Variants in ASCC3 observed in about 807,000 individuals in gnomAD.
ASCC3 encodes ASC-1 complex subunit P200.
A neutral mutation model predicts 256.3 loss-of-function variants in ASCC3; 158 were observed. The ratio of observed to expected loss-of-function variants is 0.62; its 90% confidence interval spans 0.54 to 0.70. The LOEUF (loss-of-function observed/expected upper bound fraction) is 0.70. ASCC3 is among the 30% of genes least tolerant of loss of function. The pLI is 0.00. For missense variants in ASCC3, 2,259 were observed against 2,626.0 expected (o/e 0.86, Z 3.05); for synonymous variants, 948 against 883.4 (o/e 1.07, Z -1.30).
At chr6:100,732,563 T>C (rs1470245999) in intron 10 of ASCC3, among the ~76,000 whole-genome samples, 1 of 152,218 alleles carries the variant, frequency 6.6e-6, no homozygotes, top group East Asian at 1.9e-4. Context: ...AGAACATGGG[T>C]ACATCTATAA....
chr6:100,833,321 C>G (rs846782), intron 4 of ASCC3, among the ~76,000 whole-genome samples: 106,187 of 152,030 alleles, frequency 0.7, 37,343 homozygotes, highest in East Asian at 0.73. Flanking sequence ...TGAAATGGTA[C>G]AGCACAAAGG....
At chr6:100,820,162 T>C (rs867266983) in intron 4 of ASCC3, among the ~76,000 whole-genome samples, 110 of 152,262 alleles carry the variant, frequency 7.2e-4, no homozygotes, top group African/African-American at 2.5e-3. Context: ...AAAAATCAGA[T>C]GGAATAGCAG....
intron 5 of ASCC3, among the ~76,000 whole-genome samples, chr6:100,802,900 C>T (rs963075181): frequency 1.3e-5 from 2 of 151,702 alleles, no homozygotes; most frequent in East Asian, 1.9e-4. Flanking sequence ...CCCATCTACT[C>T]GGGAGGCTGA....
rs145032993 is a variant in ASCC3, at chr6:100,848,469, C to T, written c.480G>A (p.Arg160=). Residue 160 remains arginine (R), a synonymous_variant, in exon 4 of 42, where the codon AGG becomes AGA. Transcript: ENST00000369162. Reference sequence around the variant, plus strand: ...ATGCTAAATTTTTACCAAAAAAAACCCTATCGCCATGTTCTTTTTCTGTCA... The same window carrying T: ...ATGCTAAATTTTTACCAAAAAAAACTCTATCGCCATGTTCTTTTTCTGTCA... ...VQMTEKEHGD[R]VFFGKNLAFS... is the part of the protein sequence containing the mutation. 155 of 1,612,100 alleles carry T rather than the reference C, an allele frequency of 9.6e-5. No homozygotes were observed. Among genetic ancestry groups the T allele is most frequent in the Non-Finnish European group, 1.2e-4 (147 of 1,179,054 alleles).
chr6:100,614,419 AAC>A (rs920970091), intron 30 of ASCC3, among the ~76,000 whole-genome samples: 2 of 152,240 alleles, frequency 1.3e-5, no homozygotes, highest in Non-Finnish European at 2.9e-5. Context: ...TCACAGTAAT[AAC>A]AGTTAATATT....
At chr6:100,797,478 GA>G (rs754867943) in intron 8 of ASCC3, among the ~76,000 whole-genome samples, 55 of 113,430 alleles carry the variant, frequency 4.8e-4, no homozygotes, top group South Asian at 7.9e-4. Flanking sequence ...AAAAAAAAAT[GA>G]AAAAAAAAAA....
chr6:100,751,607 T>C (rs1177639298), intron 10 of ASCC3, among the ~76,000 whole-genome samples: 1 of 152,080 alleles, frequency 6.6e-6, no homozygotes, highest in Non-Finnish European at 1.5e-5. Flanking sequence ...ATGCTTGATA[T>C]AAACACCAAA....
chr6:100,618,884 TATA>T (rs746555195), intron 30 of ASCC3, among the ~76,000 whole-genome samples: 1 of 152,210 alleles, frequency 6.6e-6, no homozygotes, highest in African/African-American at 2.4e-5. Flanking sequence ...CGATACCCTG[TATA>T]ATAATGTTTC....
chr6:100,841,581 A>G (rs919629347), intron 4 of ASCC3, among the ~76,000 whole-genome samples: 2 of 152,280 alleles, frequency 1.3e-5, no homozygotes, highest in Non-Finnish European at 1.5e-5. Context: ...ATGATGGGGA[A>G]AAGCATTCTA....
At chr6:100,566,402 G>T (rs144608769) in intron 36 of ASCC3, among the ~76,000 whole-genome samples, 1 of 152,202 alleles carries the variant, frequency 6.6e-6, no homozygotes, top group African/African-American at 2.4e-5. Flanking sequence ...CCCTTAATAA[G>T]TCCACCATAC....
At chr6:100,576,520 C>T (rs551537421) in intron 36 of ASCC3, among the ~76,000 whole-genome samples, 2 of 151,902 alleles carry the variant, frequency 1.3e-5, no homozygotes, top group East Asian at 3.9e-4. Context: ...AAAAAAAGTT[C>T]TAAGGAGCTA....
At position 100,715,401 on chromosome 6, in the gene ASCC3, T is replaced by TA. The variant is rs1302504810; in HGVS notation, c.2151+60dup. The TA allele has an allele frequency of 1.9e-5, 27 of 1,416,712 alleles. 1 individual carries two copies. In the East Asian group the frequency reaches 6.3e-4, roughly 33 times the overall value. 87.8% of individuals were successfully genotyped at this position (1,416,712 alleles called of 1,614,324 possible). A position where few individuals can be genotyped will look rare whatever the true frequency, so the allele number is the denominator to read the frequency against. On this transcript the variant is annotated intron_variant, in intron 13 of 41. Transcript: ENST00000369162. ...GAAGAGCGTAAATATTAATAATTTT[T>TA]ATCATTAAGCACTCTCTAAAAGCAG...
At chr6:100,821,391 G>A (rs1050743102) in intron 4 of ASCC3, among the ~76,000 whole-genome samples, 3 of 131,946 alleles carry the variant, frequency 2.3e-5, no homozygotes, top group African/African-American at 5.0e-5. Context: ...ACTGAAATAC[G>A]TGTCCAATCA....
Position 100,602,860 on chromosome 6 carries a change from A to G in ASCC3, c.5178-925T>C, listed in dbSNP as rs1161286827. ...AGCTAAGTAAAACTATAATTCATGG[A>G]AAAATATGCAGGTATTAAAAATAGT... is the stretch of plus-strand genomic sequence containing the variant. On this transcript the variant is annotated intron_variant, in intron 33 of 41. Coordinates refer to ENST00000369162, the MANE Select transcript of ASCC3 (RefSeq NM_006828.4). 4.6e-5 allele frequency among the ~76,000 whole-genome samples: 7 copies of G among 152,190 alleles called. No homozygotes were observed. The East Asian group carries it at 1.3e-3, about 29-fold the overall frequency.
intron 8 of ASCC3, among the ~76,000 whole-genome samples, chr6:100,781,350 T>A (rs1030574961): frequency 6.6e-5 from 10 of 152,146 alleles, no homozygotes; most frequent in African/African-American, 2.2e-4. Context: ...TTAGCTTGGA[T>A]TGCAACTGCT....
At chr6:100,589,854 A>T (rs1316841400) in intron 35 of ASCC3, 86 bp from the exon 36 acceptor site, 1 of 1,595,794 alleles carries the variant, frequency 6.3e-7, no homozygotes, top group African/African-American at 1.4e-5. Context: ...CTTTTGAAAC[A>T]ATTTTTTAAA....
chr6:100,657,639 G>C (rs1192803169), intron 16 of ASCC3, among the ~76,000 whole-genome samples: 1 of 151,038 alleles, frequency 6.6e-6, no homozygotes, highest in African/African-American at 2.4e-5. Context: ...AAATTTATAA[G>C]GGATAAAATA....
intron 36 of ASCC3, among the ~76,000 whole-genome samples, chr6:100,574,337 A>T (rs1582474002): frequency 6.6e-6 from 1 of 152,100 alleles, no homozygotes; most frequent in African/African-American, 2.4e-5. Context: ...TGTAAAAAGG[A>T]AAAAAGAAAA....
At chr6:100,714,669 TA>T (rs35198523) in intron 13 of ASCC3, among the ~76,000 whole-genome samples, 64,862 of 151,760 alleles carry the variant, frequency 0.43, 14,323 homozygotes, top group Middle Eastern at 0.55. Flanking sequence ...GTATACAACT[TA>T]AAATACTTGT....
Sources: gnomAD v4.1 joint callset for allele counts (sites outside exome capture counted in the v4.1 genomes callset) on GRCh38, gnomAD v4.1.1 for gene constraint, MANE v1.5 for transcripts, NCBI Gene and HGNC (gene_info 2026-07-23, HGNC 2026-07-21) for gene names.